The following OTUD7A variants were observed in gnomAD, a reference collection of about 807,000 sequenced individuals.
OTUD7A encodes OTU domain-containing protein 7A.
OTUD7A carries 12 observed loss-of-function variants against 65.7 expected under a neutral mutation model. The observed-to-expected ratio is 0.18, with a 90% CI of 0.12 to 0.30. The LOEUF is 0.30. Among genes scored for constraint, OTUD7A ranks in the 10% least tolerant of loss-of-function variants. OTUD7A has a pLI of 1.00. For missense variants in OTUD7A, 1,148 were observed against 1,304.8 expected, an observed-to-expected ratio of 0.88 and a Z score of 1.85; for synonymous variants, 641 against 586.3, an observed-to-expected ratio of 1.09 and a Z score of -1.35.
chr15:31,717,992 T>C (rs1196484760), intron 1 of OTUD7A, among the ~76,000 whole-genome samples: 2 of 152,230 alleles, frequency 1.3e-5, no homozygotes, highest in Non-Finnish European at 1.5e-5. Flanking sequence ...GCAACCCTGA[T>C]ACCCTACTTA....
At chr15:31,622,403 A>G (rs556136199) in intron 3 of OTUD7A, among the ~76,000 whole-genome samples, 2 of 152,276 alleles carry the variant, frequency 1.3e-5, no homozygotes, top group East Asian at 3.9e-4. Context: ...AGGTACACCA[A>G]TCAGACGTGG....
intron 8 of OTUD7A, among the ~76,000 whole-genome samples, chr15:31,521,080 G>A (rs1027771586): frequency 1.3e-5 from 2 of 152,132 alleles, no homozygotes; most frequent in African/African-American, 4.8e-5. Flanking sequence ...TAAACAACGC[G>A]TACATATGGA....
At chr15:31,635,647 A>C (rs1891318109) in intron 3 of OTUD7A, among the ~76,000 whole-genome samples, 1 of 152,268 alleles carries the variant, frequency 6.6e-6, no homozygotes, top group African/African-American at 2.4e-5. Flanking sequence ...CTTATTCAAC[A>C]TAAAAGAATG....
Position 31,616,243 on chromosome 15 carries a change from G to T in OTUD7A, c.151+38853C>A, listed in dbSNP as rs376375982. 1.1e-4 allele frequency among the ~76,000 whole-genome samples: 17 copies of T among 152,292 alleles called. No individual in the cohort carries two copies. The East Asian group carries it at 3.1e-3, about 28-fold the overall frequency. ...ACTCTCTCCTTTGCTGTCTATGTAA[G>T]TAATAAACCGTCTGCATCTAAAACT... is the stretch of plus-strand genomic sequence containing the variant. On this transcript the variant is annotated intron_variant, in intron 3 of 12. Transcript: ENST00000307050.
chr15:31,828,937 G>A (rs1300380590), intron 1 of OTUD7A, among the ~76,000 whole-genome samples: 1 of 152,166 alleles, frequency 6.6e-6, no homozygotes, highest in African/African-American at 2.4e-5. Context: ...GTGCCTCTGA[G>A]TGTCCATGCA....
chr15:31,688,529 A>T (rs892018482), intron 1 of OTUD7A, among the ~76,000 whole-genome samples: 1 of 152,066 alleles, frequency 6.6e-6, no homozygotes, highest in Non-Finnish European at 1.5e-5. Flanking sequence ...AACACTAGGC[A>T]GGGAAAAACA....
chr15:31,737,259 A>G (rs1894217051), intron 1 of OTUD7A, among the ~76,000 whole-genome samples: 1 of 152,242 alleles, frequency 6.6e-6, no homozygotes, highest in African/African-American at 2.4e-5. Context: ...TACACAGGCA[A>G]GGGACTAACA....
intron 1 of OTUD7A, among the ~76,000 whole-genome samples, chr15:31,866,929 G>A (rs1897891247): frequency 6.6e-6 from 1 of 152,186 alleles, no homozygotes. Context: ...ATAGCACTGG[G>A]CTAGTTCTCT....
chr15:31,759,845 A>G (rs1169397383), intron 1 of OTUD7A, among the ~76,000 whole-genome samples: 2 of 152,100 alleles, frequency 1.3e-5, no homozygotes, highest in Admixed American at 6.5e-5. Flanking sequence ...GCTTTTACAC[A>G]TAATATTCAT....
intron 1 of OTUD7A, among the ~76,000 whole-genome samples, chr15:31,811,732 T>C (rs1290904555): frequency 1.3e-5 from 2 of 152,166 alleles, no homozygotes. Context: ...GTAGGGAGGA[T>C]ACAGAGCACA....
chr15:31,626,783 C>T (rs1400509603), intron 3 of OTUD7A, among the ~76,000 whole-genome samples: 5 of 151,942 alleles, frequency 3.3e-5, no homozygotes, highest in Non-Finnish European at 7.4e-5. Flanking sequence ...ACTATATTGC[C>T]CAGGCTGGGC....
chr15:31,533,419 T>C (rs980657682), intron 5 of OTUD7A, among the ~76,000 whole-genome samples: 1 of 152,040 alleles, frequency 6.6e-6, no homozygotes, highest in African/African-American at 2.4e-5. Context: ...GTATTTTTAG[T>C]AGAGATAGAG....
intron 3 of OTUD7A, among the ~76,000 whole-genome samples, chr15:31,617,478 C>T (rs187657277): frequency 2.7e-5 from 4 of 150,086 alleles, no homozygotes; most frequent in African/African-American, 5.0e-5. Flanking sequence ...AGTGAGACTC[C>T]ATGTCAAAAA....
At chr15:31,831,297 CTT>C (rs1263495675) in intron 1 of OTUD7A, among the ~76,000 whole-genome samples, 6 of 152,162 alleles carry the variant, frequency 3.9e-5, no homozygotes, top group African/African-American at 1.4e-4. Flanking sequence ...ATAAATCAGA[CTT>C]CGTAAAAATT....
Position 31,487,050 on chromosome 15 carries a change from TG to T in OTUD7A, c.1371+143del. The T allele has an allele frequency of 1.4e-6, 1 of 716,426 alleles. No homozygotes were observed. Among genetic ancestry groups the T allele is most frequent in the Non-Finnish European group, 2.3e-6 (1 of 431,572 alleles). The allele number at this position is 716,426 out of a possible 1,614,324, so 44.4% of individuals were successfully genotyped here. ...AGGTCAAAGGAGGTGGAGGAGCTAC[TG>T]GGCTGTGGGTATGGCTGGGGTGGGC... is the stretch of plus-strand genomic sequence containing the variant. On this transcript the variant is annotated intron_variant, in intron 12 of 12. Transcript: ENST00000307050. This position sits in a 1 kb window ranked among gnomAD's most constrained non-coding sequence, Gnocchi z 6.0.
intron 1 of OTUD7A, among the ~76,000 whole-genome samples, chr15:31,794,731 G>A (rs1332395259): frequency 1.3e-5 from 2 of 152,110 alleles, no homozygotes; most frequent in African/African-American, 2.4e-5. Flanking sequence ...ACCGTCTGGG[G>A]GATGCTCCTT....
At chr15:31,815,326 T>C (rs1041657764) in intron 1 of OTUD7A, among the ~76,000 whole-genome samples, 1 of 152,154 alleles carries the variant, frequency 6.6e-6, no homozygotes, top group African/African-American at 2.4e-5. Flanking sequence ...AGAATGACAC[T>C]GCTGCAGAAA....
At position 31,481,442 on chromosome 15, in the gene OTUD7A, C is replaced by T. The variant is rs942904097; in HGVS notation, c.*1852G>A. 3 of 152,176 alleles carry T rather than the reference C, an allele frequency of 2.0e-5. No homozygotes were observed. Among genetic ancestry groups the T allele is most frequent in the South Asian group, 2.1e-4 (1 of 4,826 alleles). 9.4% of individuals were successfully genotyped at this position (152,176 alleles called of 1,614,324 possible). A position where few individuals can be genotyped will look rare whatever the true frequency, so the allele number is the denominator to read the frequency against. Reference sequence around the variant, plus strand: ...CCCTCTCCATGAGATTTTTAAAAAACCACTTTTGTTTTCTGAGTAATAAAA... The same window carrying T: ...CCCTCTCCATGAGATTTTTAAAAAATCACTTTTGTTTTCTGAGTAATAAAA... On this transcript the variant is annotated 3_prime_UTR_variant, in exon 13 of 13. Coordinates refer to ENST00000307050, the MANE Select transcript of OTUD7A (RefSeq NM_001382637.1).
chr15:31,795,007 C>T (rs543515091), intron 1 of OTUD7A, among the ~76,000 whole-genome samples: 8 of 152,144 alleles, frequency 5.3e-5, no homozygotes, highest in East Asian at 1.9e-4. Flanking sequence ...AAGATTACTG[C>T]GGCTATAAAT....
Sources: allele counts gnomAD v4.1 joint callset (sites outside exome capture counted in the v4.1 genomes callset), GRCh38; gene constraint gnomAD v4.1.1; non-coding constraint Gnocchi (gnomAD v3.1); transcripts MANE v1.5; gene names NCBI Gene and HGNC (gene_info 2026-07-23, HGNC 2026-07-21).